The following MALRD1 variants were observed in gnomAD, a reference collection of about 807,000 sequenced individuals.
MALRD1 encodes the protein MAM and LDL receptor class A domain containing 1.
A neutral mutation model predicts 242.1 loss-of-function variants in MALRD1; 247 were observed. The ratio of observed to expected loss-of-function variants is 1.02; its 90% CI spans 0.92 to 1.13. The LOEUF is 1.13. Among genes scored for constraint, MALRD1 ranks in the 50% most tolerant of loss-of-function variants. MALRD1 has a pLI of 0.00. For synonymous variants in MALRD1, 995 were observed against 866.6 expected (o/e 1.15, Z -2.60); for missense variants, 2,989 against 2,533.1 (o/e 1.18, Z -3.86).
At chr10:19,242,334 C>T (rs1280135476) in intron 18 of MALRD1, among the ~76,000 whole-genome samples, 4 of 152,102 alleles carry the variant, frequency 2.6e-5, no homozygotes, top group African/African-American at 9.7e-5. Flanking sequence ...GGTTCCCTCC[C>T]ACAACATGTA....
chr10:19,133,350 C>G (rs1404912057), intron 8 of MALRD1, among the ~76,000 whole-genome samples: 1 of 152,100 alleles, frequency 6.6e-6, no homozygotes, highest in Non-Finnish European at 1.5e-5. Flanking sequence ...CAGAATGTAT[C>G]TGTATTGTTT....
In MALRD1 at chr10:19,557,528, C is replaced by T. The variant is rs117013893; in HGVS notation, c.5479-9974C>T. 7.9e-5 allele frequency among the ~76,000 whole-genome samples: 12 copies of T among 152,098 alleles called. No individual in the cohort carries two copies. The East Asian group carries it at 2.3e-3, about 29-fold the overall frequency. On this transcript the variant is annotated intron_variant, in intron 32 of 39. Coordinates refer to ENST00000454679, the MANE Select transcript of MALRD1 (RefSeq NM_001142308.3). ...CTTGTTTGTGGGTGTAGTTGTTCTG[C>T]ATTATCCTTTCTGCATTGGATTGCC...
intron 2 of MALRD1, among the ~76,000 whole-genome samples, chr10:19,080,728 G>A (rs4494221): frequency 0.033 from 4,983 of 151,886 alleles, 244 homozygotes; most frequent in African/African-American, 0.11. Context: ...CATGATGAAA[G>A]CACTGAAAGC....
At chr10:19,177,849 T>C (rs1401247787) in intron 14 of MALRD1, among the ~76,000 whole-genome samples, 2 of 152,076 alleles carry the variant, frequency 1.3e-5, no homozygotes, top group East Asian at 3.9e-4. Context: ...GTAGAATTTC[T>C]TCCCCCCTGG....
intron 14 of MALRD1, among the ~76,000 whole-genome samples, chr10:19,195,022 C>T (rs571499228): frequency 6.6e-6 from 1 of 151,944 alleles, no homozygotes; most frequent in Admixed American, 6.6e-5. Context: ...TGAAATCTCA[C>T]GCTGTCCTTA....
intron 24 of MALRD1, among the ~76,000 whole-genome samples, chr10:19,345,037 A>T (rs3922505): frequency 0.62 from 94,559 of 151,854 alleles, 29,667 homozygotes; most frequent in African/African-American, 0.68. Context: ...TGCTCCTTTT[A>T]TTACCTGGTG....
intron 14 of MALRD1, among the ~76,000 whole-genome samples, chr10:19,188,285 A>C (rs190654568): frequency 3.3e-5 from 5 of 152,280 alleles, no homozygotes; most frequent in Admixed American, 6.5e-5. Context: ...TACTAGGAGA[A>C]ACTGGGACGT....
At chr10:19,703,513 G>A (rs1211374101) in intron 38 of MALRD1, among the ~76,000 whole-genome samples, 3 of 152,192 alleles carry the variant, frequency 2.0e-5, no homozygotes, top group Non-Finnish European at 4.4e-5. Context: ...ACACCTTCAA[G>A]GAAGCAGGAA....
intron 10 of MALRD1, among the ~76,000 whole-genome samples, chr10:19,143,704 G>A (rs772802862): frequency 2.6e-5 from 4 of 152,246 alleles, no homozygotes; most frequent in Admixed American, 2.0e-4. Flanking sequence ...GGATTCCTTC[G>A]TCAAATCCAC....
chr10:19,204,943 A>G lies in MALRD1; in HGVS notation c.2256A>G (p.Leu752=). ...GLSVGAAELQ[L]HMENSHDSTV... is the part of the protein sequence containing the mutation. ...CAGTGGGAGCAGCTGAGCTGCAGCT[A>G]CATATGGAAAATTCTCATGACTCAA... The change falls in exon 17 of 40, where the codon CTA becomes CTG. Residue 752 remains leucine, a synonymous_variant. Transcript: ENST00000454679. The G allele has an allele frequency of 1.3e-6, 2 of 1,550,380 alleles. No individual in the cohort carries two copies. The highest frequency in any genetic ancestry group is 1.7e-4 in the Middle Eastern group (1 of 5,990).
intron 36 of MALRD1, among the ~76,000 whole-genome samples, chr10:19,643,243 C>A (rs1840477871): frequency 6.6e-6 from 1 of 151,732 alleles, no homozygotes; most frequent in African/African-American, 2.4e-5. Context: ...ACCAGCCTGG[C>A]CAACATGGTG....
chr10:19,253,263 A>G (rs542412156), intron 18 of MALRD1, among the ~76,000 whole-genome samples: 1 of 152,128 alleles, frequency 6.6e-6, no homozygotes, highest in South Asian at 2.1e-4. Flanking sequence ...TGAAGAATAG[A>G]TTGAGATTCT....
At chr10:19,204,553 AT>A (rs1836704360) in intron 16 of MALRD1, 140 bp downstream of exon 16, 1 of 636,636 alleles carries the variant, frequency 1.6e-6, no homozygotes, top group Non-Finnish European at 2.7e-6. Flanking sequence ...TTAAATTCAT[AT>A]GATTTTAATT....
At chr10:19,671,731 A>G (rs1050085292) in intron 36 of MALRD1, among the ~76,000 whole-genome samples, 2 of 152,188 alleles carry the variant, frequency 1.3e-5, no homozygotes, top group South Asian at 2.1e-4. Context: ...TGTTTCCTGG[A>G]AAATGTGGTT....
intron 32 of MALRD1, among the ~76,000 whole-genome samples, chr10:19,538,625 C>G (rs1192898276): frequency 1.3e-5 from 2 of 152,060 alleles, no homozygotes; most frequent in African/African-American, 2.4e-5. Flanking sequence ...TTGATTTGGT[C>G]TACAAATAGC....
At chr10:19,218,305 A>G (rs1837413462) in intron 18 of MALRD1, among the ~76,000 whole-genome samples, 1 of 152,142 alleles carries the variant, frequency 6.6e-6, no homozygotes, top group Non-Finnish European at 1.5e-5. Flanking sequence ...ACATTCCAGT[A>G]GTAGTTTTGG....
intron 15 of MALRD1, 49 bp from the exon 16 acceptor site, chr10:19,204,259 G>C (rs1450375979): frequency 8.5e-7 from 1 of 1,173,646 alleles, no homozygotes; most frequent in East Asian, 2.6e-5. Context: ...TCTCATTTTA[G>C]AATCCAATAG....
At chr10:19,222,489 A>G (rs1837601494) in intron 18 of MALRD1, among the ~76,000 whole-genome samples, 2 of 152,332 alleles carry the variant, frequency 1.3e-5, no homozygotes, top group South Asian at 2.1e-4. Context: ...GTATTTAAAT[A>G]TACACGTGTA....
At chr10:19,626,510 A>G (rs1308317575) in intron 36 of MALRD1, among the ~76,000 whole-genome samples, 2 of 152,068 alleles carry the variant, frequency 1.3e-5, no homozygotes, top group South Asian at 2.1e-4. Flanking sequence ...TCAGCGAGAT[A>G]GATGGACATA....
Sources: allele counts gnomAD v4.1 joint callset (sites outside exome capture counted in the v4.1 genomes callset), GRCh38; gene constraint gnomAD v4.1.1; transcripts MANE v1.5; gene names NCBI Gene and HGNC (gene_info 2026-07-23, HGNC 2026-07-21).